TBL1XR1: variants seen among roughly 807,000 people sequenced by gnomAD.
The protein encoded by TBL1XR1 is F-box-like/WD repeat-containing protein TBL1XR1.
Under a neutral mutation model 66.9 loss-of-function variants are expected in TBL1XR1, and 5 were observed. That is an observed-to-expected ratio of 0.07 (90% CI 0.04 to 0.16). The LOEUF is 0.16. Ranked by LOEUF, TBL1XR1 falls within the 10% of genes least tolerant of loss-of-function variation. The pLI is 1.00. For missense variants in TBL1XR1, 238 were observed against 623.2 expected (o/e 0.38, Z 6.58); for synonymous variants, 210 against 206.0 (o/e 1.02, Z -0.17).
At chr3:177,139,703 A>G (rs1729416307) in intron 1 of TBL1XR1, among the ~76,000 whole-genome samples, 1 of 152,028 alleles carries the variant, frequency 6.6e-6, no homozygotes, top group African/African-American at 2.4e-5. Flanking sequence ...TTGACAATCT[A>G]GAGAGTCCAA....
intron 2 of TBL1XR1, among the ~76,000 whole-genome samples, chr3:177,069,456 G>T (rs1719594514): frequency 6.6e-6 from 1 of 152,046 alleles, no homozygotes; most frequent in Non-Finnish European, 1.5e-5. Context: ...TACACCAGCT[G>T]GGCATGGTGG....
At chr3:177,032,929 TA>T in intron 14 of TBL1XR1, 41 bp downstream of exon 14, 1 of 1,441,124 alleles carries the variant, frequency 6.9e-7, no homozygotes, top group Non-Finnish European at 9.2e-7. Flanking sequence ...TGCTTCTACC[TA>T]AATTTAAGAG....
At chr3:177,129,549 T>C (rs559789421) in intron 1 of TBL1XR1, among the ~76,000 whole-genome samples, 31 of 152,266 alleles carry the variant, frequency 2.0e-4, no homozygotes, top group Admixed American at 7.8e-4. Context: ...GAATAGATAC[T>C]TTAAGTCAGG....
At chr3:177,161,577 G>A (rs1417660616) in intron 1 of TBL1XR1, among the ~76,000 whole-genome samples, 2 of 152,178 alleles carry the variant, frequency 1.3e-5, no homozygotes, top group African/African-American at 4.8e-5. Context: ...GAGGTCAGGA[G>A]TTTGAGACCA....
chr3:177,060,438 C>T (rs192188247), intron 3 of TBL1XR1, among the ~76,000 whole-genome samples: 23 of 152,282 alleles, frequency 1.5e-4, no homozygotes, highest in Non-Finnish European at 3.1e-4. Context: ...TAAGATGCAA[C>T]TGTTTCATAG....
chr3:177,153,288 A>T (rs191091416), intron 1 of TBL1XR1, among the ~76,000 whole-genome samples: 5 of 152,334 alleles, frequency 3.3e-5, no homozygotes, highest in Non-Finnish European at 7.4e-5. Flanking sequence ...TGACTAGAAG[A>T]AGTGTTAAAG....
intron 14 of TBL1XR1, among the ~76,000 whole-genome samples, chr3:177,030,676 GTTATA>G (rs1201015545): frequency 3.3e-5 from 5 of 152,222 alleles, no homozygotes; most frequent in African/African-American, 9.6e-5. Flanking sequence ...ATATATGAGT[GTTATA>G]TTATTTTCTG....
chr3:177,157,320 G>A (rs1006970702), intron 1 of TBL1XR1, among the ~76,000 whole-genome samples: 17 of 152,128 alleles, frequency 1.1e-4, no homozygotes, highest in African/African-American at 3.6e-4. Flanking sequence ...TCAGGGCCTC[G>A]TCCTCCATCT....
intron 2 of TBL1XR1, among the ~76,000 whole-genome samples, chr3:177,073,689 T>C (rs765213196): frequency 3.9e-5 from 6 of 152,190 alleles, no homozygotes; most frequent in Non-Finnish European, 1.5e-5. Context: ...TCCATTAATA[T>C]AAAGGAACAA....
chr3:177,156,338 A>C (rs1315807109), intron 1 of TBL1XR1, among the ~76,000 whole-genome samples: 1 of 151,468 alleles, frequency 6.6e-6, no homozygotes, highest in Non-Finnish European at 1.5e-5. Flanking sequence ...GTCTCTACTG[A>C]AAACACAAAA....
chr3:177,158,177 CA>C (rs753376734), intron 1 of TBL1XR1, among the ~76,000 whole-genome samples: 1 of 144,806 alleles, frequency 6.9e-6, no homozygotes, highest in Non-Finnish European at 1.5e-5. Flanking sequence ...AAAACAAAAA[CA>C]AAAAAAACCC....
upstream of TBL1XR1, among the ~76,000 whole-genome samples, chr3:177,198,588 T>G (rs964043555): frequency 6.6e-6 from 1 of 152,174 alleles, no homozygotes; most frequent in African/African-American, 2.4e-5. Context: ...GGGGTGGTAA[T>G]CTTTCTAAGA....
At chr3:177,170,316 G>A (rs555020390) in intron 1 of TBL1XR1, among the ~76,000 whole-genome samples, 1 of 152,098 alleles carries the variant, frequency 6.6e-6, no homozygotes, top group Non-Finnish European at 1.5e-5. Flanking sequence ...CTTACCTGTA[G>A]ACCTAACTCA....
chr3:177,037,772 TCATCCATC>T (rs71170848), intron 12 of TBL1XR1: 14,557 of 183,476 alleles, frequency 0.079, 703 homozygotes, highest in South Asian at 0.2. Flanking sequence ...AGTAAATCTC[TCATCCATC>T]CATCCATCCA....
At chr3:177,108,353 C>T (rs1038288001) in intron 1 of TBL1XR1, among the ~76,000 whole-genome samples, 3 of 152,196 alleles carry the variant, frequency 2.0e-5, no homozygotes, top group South Asian at 2.1e-4. Flanking sequence ...CATTCCTCTG[C>T]CATCTTTAGA....
chr3:177,050,936 T>C (rs1168271355), intron 5 of TBL1XR1, among the ~76,000 whole-genome samples: 1 of 152,080 alleles, frequency 6.6e-6, no homozygotes, highest in Non-Finnish European at 1.5e-5. Flanking sequence ...CTATTCTGAG[T>C]TTCTGCCAGT....
chr3:177,063,524 A>G, intron 3 of TBL1XR1, among the ~76,000 whole-genome samples: 1 of 152,244 alleles, frequency 6.6e-6, no homozygotes, highest in Admixed American at 6.5e-5. Context: ...GTTTGCTTTA[A>G]CCCAACAAAT....
intron 1 of TBL1XR1, chr3:177,196,575 G>C (rs1387481848): frequency 6.7e-6 from 1 of 148,796 alleles, no homozygotes; most frequent in Non-Finnish European, 1.5e-5. Flanking sequence ...GCCCGGGCCG[G>C]GGACGCGCCC....
At chr3:177,112,107 A>ATATATATATATAT in intron 1 of TBL1XR1, among the ~76,000 whole-genome samples, 9 of 37,646 alleles carry the variant, frequency 2.4e-4, no homozygotes, top group Non-Finnish European at 3.6e-4. Context: ...ATATATATAT[A>ATATATATATATAT]TTTTTTTTTT....
Sources: allele counts gnomAD v4.1 joint callset (sites outside exome capture counted in the v4.1 genomes callset), GRCh38; gene constraint gnomAD v4.1.1; transcripts MANE v1.5; gene names NCBI Gene and HGNC (gene_info 2026-07-23, HGNC 2026-07-21).